Variants in TENM2 observed in about 807,000 individuals in gnomAD.
TENM2 encodes teneurin-2.
A neutral mutation model predicts 245.2 loss-of-function variants in TENM2; 52 were observed. That is an observed-to-expected ratio of 0.21 (90% CI 0.17 to 0.27). TENM2 has a LOEUF of 0.27. Ranked by LOEUF, TENM2 falls within the 10% of genes least tolerant of loss-of-function variation. The pLI is 1.00. For synonymous variants in TENM2, 1,363 were observed against 1,438.9 expected (o/e 0.95, Z 1.19); for missense variants, 3,046 against 3,666.8 (o/e 0.83, Z 4.37).
chr5:167,533,025 A>G (rs1020755884), intron 2 of TENM2, among the ~76,000 whole-genome samples: 1 of 152,130 alleles, frequency 6.6e-6, no homozygotes, highest in African/African-American at 2.4e-5. Context: ...TCCTAAATCA[A>G]AATTACAATG....
intron 1 of TENM2, among the ~76,000 whole-genome samples, chr5:167,310,116 T>G (rs1015550490): frequency 1.3e-5 from 2 of 152,234 alleles, no homozygotes; most frequent in Non-Finnish European, 2.9e-5. Flanking sequence ...CAAAGCGTAG[T>G]GCTTACTCAG....
rs1771207771 is a variant in TENM2, at chr5:167,857,578, C to T, written c.503-18408C>T. On this transcript the variant is annotated intron_variant, in intron 2 of 28. Coordinates refer to ENST00000518659, the Ensembl canonical transcript of TENM2. ...TCTGGACATGCTTCCCATACCATCT[C>T]ATACTGCATATACTATTTGTTCATG... Among the ~76,000 whole-genome samples, 4 of 152,264 alleles carry T rather than the reference C, an allele frequency of 2.6e-5. No homozygotes were observed. The South Asian group carries it at 6.2e-4, about 24-fold the overall frequency.
At chr5:167,822,244 G>C (rs1767592602) in intron 2 of TENM2, among the ~76,000 whole-genome samples, 1 of 152,030 alleles carries the variant, frequency 6.6e-6, no homozygotes, top group Non-Finnish European at 1.5e-5. Flanking sequence ...TGATTATAGA[G>C]GGTTAGCTGA....
At chr5:167,658,929 C>T (rs1755025741) in intron 2 of TENM2, among the ~76,000 whole-genome samples, 1 of 152,184 alleles carries the variant, frequency 6.6e-6, no homozygotes, top group African/African-American at 2.4e-5. Context: ...GCTAAATATA[C>T]ATTTCCCTTA....
intron 23 of TENM2, among the ~76,000 whole-genome samples, chr5:168,225,714 T>C (rs1764109269): frequency 1.3e-5 from 2 of 150,366 alleles, no homozygotes; most frequent in South Asian, 2.1e-4. Context: ...TGAGCGGAGA[T>C]TGTGCCACTG....
chr5:168,238,586 T>C (rs1339764848), intron 25 of TENM2, among the ~76,000 whole-genome samples: 1 of 152,218 alleles, frequency 6.6e-6, no homozygotes. Flanking sequence ...TCCTCCCTCA[T>C]GTTTCTCAAA....
the TENM2 span, among the ~76,000 whole-genome samples, chr5:167,142,410 C>T: frequency 2.6e-5 from 4 of 152,028 alleles, no homozygotes; most frequent in African/African-American, 9.7e-5. Context: ...TGTTGTTCTA[C>T]TTTATTCTAC....
chr5:167,045,235 A>G, the TENM2 span, among the ~76,000 whole-genome samples: 3 of 152,218 alleles, frequency 2.0e-5, no homozygotes, highest in Admixed American at 2.0e-4. Flanking sequence ...CTTATTAGCT[A>G]TCTATGTGTA....
chr5:168,057,707 A>G (rs1403286022), intron 6 of TENM2, among the ~76,000 whole-genome samples: 1 of 152,198 alleles, frequency 6.6e-6, no homozygotes, highest in African/African-American at 2.4e-5. Flanking sequence ...AAGGCAAATT[A>G]AGCATTTGCT....
chr5:167,125,049 T>G, the TENM2 span, among the ~76,000 whole-genome samples: 3 of 152,184 alleles, frequency 2.0e-5, no homozygotes, highest in Non-Finnish European at 4.4e-5. Flanking sequence ...TAGCATCGCC[T>G]AAGAAGTTGT....
intron 2 of TENM2, among the ~76,000 whole-genome samples, chr5:167,829,664 T>G (rs1181826503): frequency 6.6e-6 from 1 of 152,220 alleles, no homozygotes; most frequent in Non-Finnish European, 1.5e-5. Flanking sequence ...TCATTTAGCT[T>G]TCAGATGTAA....
intron 2 of TENM2, among the ~76,000 whole-genome samples, chr5:167,662,958 T>C (rs1041246652): frequency 4.6e-5 from 7 of 152,334 alleles, no homozygotes; most frequent in Middle Eastern, 3.4e-3. Flanking sequence ...GTTTTCATTT[T>C]CTATTCCATT....
intron 5 of TENM2, among the ~76,000 whole-genome samples, chr5:168,024,854 A>G (rs1397781044): frequency 6.6e-6 from 1 of 152,190 alleles, no homozygotes; most frequent in Non-Finnish European, 1.5e-5. Context: ...CTTAGCTGCA[A>G]AAAGTATATT....
intron 2 of TENM2, among the ~76,000 whole-genome samples, chr5:167,811,724 C>T (rs1351961878): frequency 6.6e-6 from 1 of 152,096 alleles, no homozygotes; most frequent in Non-Finnish European, 1.5e-5. Context: ...AATCAGACCT[C>T]AGCGATGACC....
intron 5 of TENM2, among the ~76,000 whole-genome samples, chr5:168,047,149 C>T (rs1322712932): frequency 1.3e-5 from 2 of 152,116 alleles, no homozygotes; most frequent in African/African-American, 4.8e-5. Context: ...ATGGTGGCAC[C>T]GTTTGGAAGA....
chr5:166,994,668 C>A, the TENM2 span, among the ~76,000 whole-genome samples: 1 of 152,160 alleles, frequency 6.6e-6, no homozygotes, highest in South Asian at 2.1e-4. Context: ...TTTATTCTTT[C>A]TTACAACTAG....
chr5:167,587,116 G>A (rs1775560369), intron 2 of TENM2, among the ~76,000 whole-genome samples: 1 of 152,046 alleles, frequency 6.6e-6, no homozygotes, highest in Non-Finnish European at 1.5e-5. Context: ...AATATAATGG[G>A]GAAGGGCAGG....
intron 3 of TENM2, among the ~76,000 whole-genome samples, chr5:167,914,654 C>A (rs1776793503): frequency 6.6e-6 from 1 of 152,200 alleles, no homozygotes; most frequent in African/African-American, 2.4e-5. Context: ...TGTTGTCTCA[C>A]AGGTCTAGAG....
intron 3 of TENM2, among the ~76,000 whole-genome samples, chr5:167,936,942 T>C (rs565520408): frequency 4.5e-4 from 68 of 152,360 alleles, no homozygotes; most frequent in African/African-American, 1.6e-3. Context: ...ACCTTTGCAA[T>C]GTATCCAAGT....
Sources: allele counts gnomAD v4.1 joint callset (sites outside exome capture counted in the v4.1 genomes callset), GRCh38; gene constraint gnomAD v4.1.1; transcripts MANE v1.5; gene names NCBI Gene and HGNC (gene_info 2026-07-23, HGNC 2026-07-21).